Variants in DOCK5 observed in about 807,000 individuals in gnomAD.
DOCK5 encodes the protein dedicator of cytokinesis 5, also known as dedicator of cytokinesis protein 5.
Under a neutral mutation model 251.8 loss-of-function variants are expected in DOCK5, and 142 were observed. The observed-to-expected ratio is 0.56, with a 90% CI of 0.49 to 0.65. DOCK5 has a LOEUF of 0.65. Among genes scored for constraint, DOCK5 ranks in the 30% least tolerant of loss-of-function variants. DOCK5 has a pLI of 0.00. For synonymous variants in DOCK5, 842 were observed against 835.5 expected, an observed-to-expected ratio of 1.01 and a Z score of -0.13; for missense variants, 2,111 against 2,312.3, an observed-to-expected ratio of 0.91 and a Z score of 1.79.
chr8:25,241,490 A>G (rs1296966258), intron 1 of DOCK5, among the ~76,000 whole-genome samples: 2 of 152,114 alleles, frequency 1.3e-5, no homozygotes, highest in Admixed American at 6.5e-5. Flanking sequence ...AAAAAAAAAA[A>G]GTCAGGAAAC....
intron 1 of DOCK5, among the ~76,000 whole-genome samples, chr8:25,201,104 A>G (rs1375370244): frequency 1.3e-5 from 2 of 152,120 alleles, no homozygotes; most frequent in African/African-American, 4.8e-5. Flanking sequence ...ACAGGGTTTC[A>G]CCATTTTGGT....
rs749197555 is a variant in DOCK5 at position 25,389,209 on chromosome 8, A to G, written c.4250A>G (p.Asp1417Gly). The G allele has an allele frequency of 7.4e-6, 12 of 1,613,866 alleles. No individual in the cohort carries two copies. In the African/African-American group the frequency reaches 1.3e-4, roughly 18 times the overall value. ...KMTSTTPPGE[D>G]IKSSPKQYMQ... is the part of the protein sequence containing the mutation. Reference sequence around the variant, plus strand: ...ACCAGTACCACGCCTCCTGGGGAAGACATCAAGTCGTCCCCCAAGCAGTGT... The same window carrying G: ...ACCAGTACCACGCCTCCTGGGGAAGGCATCAAGTCGTCCCCCAAGCAGTGT... The change falls in exon 41 of 52, where the codon GAC becomes GGC. Residue 1417 changes from aspartate (D) to glycine (G), a missense_variant. Asp to Gly is a moderately conservative substitution (Grantham distance 94). This residue lies in a region of DOCK5 where 1,717 missense variants were observed against 1,892.4 expected (regional missense o/e 0.91). Coordinates refer to ENST00000276440, the MANE Select transcript of DOCK5 (RefSeq NM_024940.8).
At position 25,382,924 on chromosome 8, in the gene DOCK5, C is replaced by T. The variant is rs576917475; in HGVS notation, c.4131+146C>T. The T allele has an allele frequency of 1.4e-4, 88 of 636,440 alleles. 1 individual carries two copies. The highest frequency in any genetic ancestry group is 2.6e-4 in the African/African-American group (14 of 54,102). The allele number at this position is 636,440 out of a possible 1,614,324, so 39.4% of individuals were successfully genotyped here. A position where few individuals can be genotyped will look rare whatever the true frequency, so the allele number is the denominator to read the frequency against. ...GGAGGGAAACCACTTCCTGAGCAGCCGGCCTCTTCACCCCACACCCCCGGA... is the reference window on the plus strand; with the variant it reads ...GGAGGGAAACCACTTCCTGAGCAGCTGGCCTCTTCACCCCACACCCCCGGA... On this transcript the variant is annotated intron_variant, in intron 40 of 51. Coordinates refer to ENST00000276440, the MANE Select transcript of DOCK5 (RefSeq NM_024940.8).
chr8:25,197,417 A>ATG (rs1410159574), intron 1 of DOCK5, among the ~76,000 whole-genome samples: 9 of 152,114 alleles, frequency 5.9e-5, no homozygotes. Context: ...GCCATTGCAA[A>ATG]GCCACTGTTG....
chr8:25,297,666 G>A (rs1181380084), intron 7 of DOCK5, among the ~76,000 whole-genome samples: 2 of 152,066 alleles, frequency 1.3e-5, no homozygotes, highest in Admixed American at 6.6e-5. Context: ...TGGGATTATA[G>A]GCATGATCCA....
chr8:25,306,305 C>T (rs1326563243), intron 11 of DOCK5, among the ~76,000 whole-genome samples: 1 of 152,156 alleles, frequency 6.6e-6, no homozygotes, highest in Non-Finnish European at 1.5e-5. Context: ...CTTTCATCTC[C>T]ATGAATGCTG....
chr8:25,188,921 G>A (rs1031008065), intron 1 of DOCK5, among the ~76,000 whole-genome samples: 2 of 151,858 alleles, frequency 1.3e-5, no homozygotes, highest in African/African-American at 4.8e-5. Context: ...AGAATAGTCT[G>A]ATTATAAAAA....
intron 27 of DOCK5, among the ~76,000 whole-genome samples, chr8:25,357,968 A>G (rs1008909238): frequency 6.6e-6 from 1 of 152,128 alleles, no homozygotes; most frequent in African/African-American, 2.4e-5. Flanking sequence ...CTGAACTCAC[A>G]AATGGAAGCA....
chr8:25,187,122 G>C (rs1801447064), intron 1 of DOCK5, among the ~76,000 whole-genome samples: 1 of 151,324 alleles, frequency 6.6e-6, no homozygotes. Context: ...GATAGCTTGA[G>C]CCTGGGAGGT....
intron 25 of DOCK5, chr8:25,345,254 A>ATT (rs35685614): frequency 2.6e-4 from 86 of 332,034 alleles, no homozygotes; most frequent in Non-Finnish European, 3.6e-4. Flanking sequence ...GAGAAGGGTC[A>ATT]TTTTTTTTTT....
intron 22 of DOCK5, among the ~76,000 whole-genome samples, chr8:25,337,303 C>A (rs1805837508): frequency 6.6e-6 from 1 of 151,982 alleles, no homozygotes; most frequent in South Asian, 2.1e-4. Flanking sequence ...CATCTTTGTC[C>A]TTGATGAGAT....
At chr8:25,294,151 C>A (rs1010067152) in intron 6 of DOCK5, among the ~76,000 whole-genome samples, 1 of 152,162 alleles carries the variant, frequency 6.6e-6, no homozygotes, top group African/African-American at 2.4e-5. Context: ...ACCCCACAAA[C>A]GGCAGAACAT....
In DOCK5 at chr8:25,399,922, A is replaced by T. The variant is rs1801408075; in HGVS notation, c.4716A>T (p.Thr1572=). ...GFSNYEKAFF[T]EKYLQEHPED... ...ATGCTTTTTTTTAGGCTTTTTTTAC[A>T]GAAAAGTACTTGCAGGAGCATCCTG... The change falls in exon 46 of 52, where the codon ACA becomes ACT. Residue 1572 remains threonine, a synonymous_variant. Transcript: ENST00000276440. 1.2e-6 allele frequency: 2 copies of T among 1,612,776 alleles called. No individual in the cohort carries two copies. Among genetic ancestry groups the T allele is most frequent in the Admixed American group, 1.7e-5 (1 of 59,860 alleles).
intron 1 of DOCK5, among the ~76,000 whole-genome samples, chr8:25,195,414 G>A (rs1801698152): frequency 6.6e-6 from 1 of 152,102 alleles, no homozygotes; most frequent in East Asian, 1.9e-4. Flanking sequence ...TTAAAGGCAA[G>A]AACCTGACAT....
intron 37 of DOCK5, chr8:25,376,388 C>CT (rs1800963982): frequency 1.0e-6 from 1 of 984,246 alleles, no homozygotes; most frequent in Non-Finnish European, 1.2e-6. Context: ...TTACTAAATT[C>CT]TTATTTTGGG....
chr8:25,218,095 G>C (rs1802294446), intron 1 of DOCK5, among the ~76,000 whole-genome samples: 1 of 152,204 alleles, frequency 6.6e-6, no homozygotes, highest in Non-Finnish European at 1.5e-5. Flanking sequence ...AATCCTGGAG[G>C]CAGGTACATG....
At position 25,370,986 on chromosome 8, in the gene DOCK5, CA is replaced by C. The variant is rs1800863148; in HGVS notation, c.3524+1346del. ...ATTATTTACAGGCCTACCCTTCATTCAGGTTGTAACTACTCTAGACCATTGC... is the reference window on the plus strand; with the variant it reads ...ATTATTTACAGGCCTACCCTTCATTCGGTTGTAACTACTCTAGACCATTGC... On this transcript the variant is annotated intron_variant, in intron 34 of 51. Transcript: ENST00000276440. Among the ~76,000 whole-genome samples the C allele has an allele frequency of 2.0e-5, 3 of 152,210 alleles. No homozygotes were observed. In the South Asian group the frequency reaches 6.2e-4, roughly 32 times the overall value.
intron 3 of DOCK5, among the ~76,000 whole-genome samples, chr8:25,269,306 A>T (rs1412188537): frequency 6.6e-6 from 1 of 152,200 alleles, no homozygotes; most frequent in Non-Finnish European, 1.5e-5. Context: ...AATTGGATAA[A>T]CAAGAGTGGT....
chr8:25,389,253 A>G lies in DOCK5; in HGVS notation c.4273+21A>G, dbSNP rs1385772249. 2.5e-6 allele frequency: 4 copies of G among 1,610,046 alleles called. No homozygotes were observed. In the South Asian group the frequency reaches 4.4e-5, roughly 18 times the overall value. ...GCAGTGTATCCTTTCCGGGGGGAGT[A>G]TGGCCCCGAGGCTCTTATGGCTGTG... is the stretch of plus-strand genomic sequence containing the variant. On this transcript the variant is annotated intron_variant, in intron 41 of 51. Transcript: ENST00000276440.
Sources: allele counts gnomAD v4.1 joint callset (sites outside exome capture counted in the v4.1 genomes callset), GRCh38; gene constraint gnomAD v4.1.1; regional missense constraint gnomAD v4.1.1; transcripts MANE v1.5; gene names NCBI Gene and HGNC (gene_info 2026-07-23, HGNC 2026-07-21).